The following VSIR variants were observed in gnomAD, a reference collection of about 807,000 sequenced individuals.
VSIR encodes the protein V-type immunoglobulin domain-containing suppressor of T-cell activation.
A neutral mutation model predicts 31.0 loss-of-function variants in VSIR; 10 were observed. The ratio of observed to expected loss-of-function variants is 0.32; its 90% CI spans 0.20 to 0.55. The LOEUF (loss-of-function observed/expected upper bound fraction) is 0.55, where lower values mean the gene tolerates loss of function less well. Ranked by LOEUF, VSIR falls within the 20% of genes least tolerant of loss-of-function variation. VSIR has a pLI of 0.93. For missense variants in VSIR, 356 were observed against 416.2 expected (o/e 0.86, Z 1.26); for synonymous variants, 179 against 180.1 (o/e 0.99, Z 0.05).
chr10:71,763,505 C>G (rs369372417), intron 1 of VSIR, among the ~76,000 whole-genome samples: 2 of 152,298 alleles, frequency 1.3e-5, no homozygotes, highest in East Asian at 1.9e-4. Flanking sequence ...GGACCCTCGG[C>G]GGCAGGCTGG....
At chr10:71,766,214 G>A (rs1027652094) in intron 1 of VSIR, among the ~76,000 whole-genome samples, 2 of 152,238 alleles carry the variant, frequency 1.3e-5, no homozygotes, top group African/African-American at 2.4e-5. Context: ...GTCGGAGACC[G>A]GGAAAAGTGG....
chr10:71,773,513 C>A lies in VSIR; in HGVS notation c.-74G>T. On this transcript the variant is annotated 5_prime_UTR_variant, in exon 1 of 7. Coordinates refer to ENST00000394957, the MANE Select transcript of VSIR (RefSeq NM_022153.2). ...GACGCGGCCGGCGCGGGGAAGCCTC[C>A]CGCGACTGAGTGCGAGCGAGTGAGC... 1 of 1,442,010 alleles carries A rather than the reference C, an allele frequency of 6.9e-7. No homozygotes were observed. 89.3% of individuals were successfully genotyped at this position (1,442,010 alleles called of 1,614,324 possible). A position where few individuals can be genotyped will look rare whatever the true frequency, so the allele number is the denominator to read the frequency against.
chr10:71,759,369 T>A (rs933575435), intron 3 of VSIR, among the ~76,000 whole-genome samples: 1 of 150,890 alleles, frequency 6.6e-6, no homozygotes, highest in Non-Finnish European at 1.5e-5. Context: ...TCACCAGACA[T>A]GGTGATGCGT....
chr10:71,755,259 TGTGCCTGCATC>T lies in VSIR; in HGVS notation c.676+89_676+99del, dbSNP rs1840102910. 2.9e-6 allele frequency: 3 copies of T among 1,049,622 alleles called. No homozygotes were observed. The Admixed American group carries it at 7.0e-5, about 24-fold the overall frequency. 65.0% of individuals were successfully genotyped at this position (1,049,622 alleles called of 1,614,324 possible). A position where few individuals can be genotyped will look rare whatever the true frequency, so the allele number is the denominator to read the frequency against. ...TCCCAACTCTCAAATGAAAAGGAAT[TGTGCCTGCATC>T]GTGCCTTTGCGAATCCCAGGGGCTG... On this transcript the variant is annotated intron_variant, in intron 4 of 6. Transcript: ENST00000394957.
intron 1 of VSIR, among the ~76,000 whole-genome samples, chr10:71,768,888 A>T (rs1284477010): frequency 6.6e-6 from 1 of 152,224 alleles, no homozygotes; most frequent in African/African-American, 2.4e-5. Flanking sequence ...GCACAGAGAG[A>T]TTAGTATCTT....
At chr10:71,764,135 C>G (rs2132895154) in intron 1 of VSIR, among the ~76,000 whole-genome samples, 1 of 152,264 alleles carries the variant, frequency 6.6e-6, no homozygotes, top group African/African-American at 2.4e-5. Flanking sequence ...TTCCAAAGTT[C>G]CAGAGGGTAT....
chr10:71,769,436 GTT>G (rs1277120235), intron 1 of VSIR, among the ~76,000 whole-genome samples: 2 of 152,022 alleles, frequency 1.3e-5, no homozygotes, highest in Non-Finnish European at 2.9e-5. Context: ...GCGATAAAAA[GTT>G]TCCTTTTAAA....
intron 1 of VSIR, among the ~76,000 whole-genome samples, chr10:71,766,669 ATT>A: frequency 6.6e-6 from 1 of 152,136 alleles, no homozygotes; most frequent in East Asian, 1.9e-4. Context: ...TACCTGTCAC[ATT>A]TAGTTCTCAT....
At position 71,773,232 on chromosome 10, in the gene VSIR, G is replaced by C. The variant is rs1840727547; in HGVS notation, c.82+126C>G. ...GGGTCCCAGCAGCCTCTGGGCGGTGGGTGGAGTGGGGTGCACGGTCACACA... is the reference window on the plus strand; with the variant it reads ...GGGTCCCAGCAGCCTCTGGGCGGTGCGTGGAGTGGGGTGCACGGTCACACA... On this transcript the variant is annotated intron_variant, in intron 1 of 6. Coordinates refer to ENST00000394957, the MANE Select transcript of VSIR (RefSeq NM_022153.2). The C allele has an allele frequency of 2.7e-6, 3 of 1,103,980 alleles. No individual in the cohort carries two copies. The South Asian group carries it at 4.6e-5, about 17-fold the overall frequency. The allele number at this position is 1,103,980 out of a possible 1,614,324, so 68.4% of individuals were successfully genotyped here. A position where few individuals can be genotyped will look rare whatever the true frequency, so the allele number is the denominator to read the frequency against.
In VSIR at chr10:71,755,291, G is replaced by A. The variant is rs1840104269; in HGVS notation, c.676+68C>T. ...GCATCGTGCCTTTGCGAATCCCAGG[G>A]GCTGAACTGGGGGCTGGAGCAGGTC... On this transcript the variant is annotated intron_variant, in intron 4 of 6. Coordinates refer to ENST00000394957, the MANE Select transcript of VSIR (RefSeq NM_022153.2). 10 of 1,397,232 alleles carry A rather than the reference G, an allele frequency of 7.2e-6. No homozygotes were observed. The South Asian group carries it at 1.2e-4, about 17-fold the overall frequency. 86.6% of individuals were successfully genotyped at this position (1,397,232 alleles called of 1,614,324 possible).
At chr10:71,762,225 G>T (rs558906281) in intron 1 of VSIR, among the ~76,000 whole-genome samples, 199 bp from the exon 2 acceptor site, 7 of 152,382 alleles carry the variant, frequency 4.6e-5, no homozygotes, top group African/African-American at 1.7e-4. Context: ...AGTCACAGAA[G>T]CTTCCCCAAC....
At chr10:71,762,262 G>A (rs1840413580) in intron 1 of VSIR, among the ~76,000 whole-genome samples, 1 of 152,238 alleles carries the variant, frequency 6.6e-6, no homozygotes, top group Admixed American at 6.5e-5. Flanking sequence ...TGCTGGACAG[G>A]GCAGGGAGAG....
rs1840305609 is a variant in VSIR, at chr10:71,760,115, ATGTGTGTATATATATG to A, written c.568+737_568+752del. Among the ~76,000 whole-genome samples the A allele has an allele frequency of 2.1e-5, 2 of 95,256 alleles. 1 individual carries two copies. The highest frequency in any genetic ancestry group is 4.8e-5 in the Non-Finnish European group (2 of 41,718). 62.5% of individuals were successfully genotyped at this position (95,256 alleles called of 152,430 possible). A position where few individuals can be genotyped will look rare whatever the true frequency, so the allele number is the denominator to read the frequency against. ...TATACACACACACATACATACATAT[ATGTGTGTATATATATG>A]TATATACATATATATGTGTGTATAT... On this transcript the variant is annotated intron_variant, in intron 3 of 6. Coordinates refer to ENST00000394957, the MANE Select transcript of VSIR (RefSeq NM_022153.2).
intron 3 of VSIR, among the ~76,000 whole-genome samples, chr10:71,756,585 G>A (rs556522814): frequency 2.6e-5 from 4 of 152,196 alleles, no homozygotes; most frequent in African/African-American, 9.7e-5. Context: ...CCTCCAAAAA[G>A]GTGTACACGA....
Position 71,773,350 on chromosome 10 carries a change from G to C in VSIR, c.82+8C>G, listed in dbSNP as rs1250760183. 1 of 1,603,958 alleles carries C rather than the reference G, an allele frequency of 6.2e-7. No homozygotes were observed. Among genetic ancestry groups the C allele is most frequent in the East Asian group, 2.3e-5 (1 of 44,164 alleles). On this transcript the variant is annotated splice_region_variant and intron_variant, in intron 1 of 6. Coordinates refer to ENST00000394957, the MANE Select transcript of VSIR (RefSeq NM_022153.2). ...TTTTTCCCAGCGCCCCGCCTCCCCC[G>C]ACCTTACCTAGGGACGCAGCCAGGA...
In VSIR at chr10:71,752,995, C is replaced by T. The variant is rs1211670957; in HGVS notation, c.684G>A (p.Gln228=). 6.2e-7 allele frequency: 1 copy of T among 1,613,018 alleles called. No individual in the cohort carries two copies. Among genetic ancestry groups the T allele is most frequent in the Non-Finnish European group, 8.5e-7 (1 of 1,179,474 alleles). ...QRQAASNRRA[Q]ELVRMDSNIQ... is the part of the protein sequence containing the mutation. Reference sequence around the variant, plus strand: ...CTTACCTGTCCATCCGCACCAGCTCCTGGGCACCTAGGGACAGACAGACAG... The same window carrying T: ...CTTACCTGTCCATCCGCACCAGCTCTTGGGCACCTAGGGACAGACAGACAG... Residue 228 remains glutamine, a synonymous_variant, in exon 5 of 7, where the codon CAG becomes CAA. Coordinates refer to ENST00000394957, the MANE Select transcript of VSIR (RefSeq NM_022153.2).
chr10:71,755,027 C>T (rs1471694287), intron 4 of VSIR: 1 of 500,146 alleles, frequency 2.0e-6, no homozygotes. Flanking sequence ...TTAAACAGGT[C>T]CCCCAAGGAT....
chr10:71,766,445 G>A (rs2121538), intron 1 of VSIR, among the ~76,000 whole-genome samples: 95,691 of 151,836 alleles, frequency 0.63, 30,347 homozygotes, highest in South Asian at 0.77. Context: ...CTGAGTCTCA[G>A]GAGTAAAACT....
intron 1 of VSIR, among the ~76,000 whole-genome samples, chr10:71,771,536 C>T (rs1284421923): frequency 1.3e-5 from 2 of 152,222 alleles, no homozygotes; most frequent in East Asian, 1.9e-4. Context: ...TCCCTCAGTG[C>T]ACACTGTCCT....
Sources: gnomAD v4.1 joint callset for allele counts (sites outside exome capture counted in the v4.1 genomes callset) on GRCh38, gnomAD v4.1.1 for gene constraint, MANE v1.5 for transcripts, NCBI Gene and HGNC (gene_info 2026-07-23, HGNC 2026-07-21) for gene names.